Variants in MKKS observed in about 807,000 individuals in gnomAD.
MKKS encodes the protein molecular chaperone MKKS.
A neutral mutation model predicts 33.2 loss-of-function variants in MKKS; 29 were observed. The observed-to-expected ratio is 0.87, with a 90% CI of 0.65 to 1.19. The LOEUF (loss-of-function observed/expected upper bound fraction) is 1.19. MKKS is among the 50% of genes most tolerant of loss of function. The pLI, the probability that MKKS is intolerant of heterozygous loss-of-function variation, is 0.00. For synonymous variants in MKKS, 260 were observed against 244.0 expected (o/e 1.07, Z -0.61); for missense variants, 661 against 662.3 (o/e 1.00, Z 0.02).
rs576236550 is a variant in MKKS at position 10,415,997 on chromosome 20, C to A, written c.-417-2066G>T. 1.5e-4 allele frequency among the ~76,000 whole-genome samples: 23 copies of A among 152,158 alleles called. No homozygotes were observed. In the East Asian group the frequency reaches 3.9e-3, roughly 26 times the overall value. ...AAGAAAGAGAAAAGAGAAAAAAAAA[C>A]CAAACCACTGGGGCTGGTTTATAGA... On this transcript the variant is annotated intron_variant, in intron 2 of 5. Coordinates refer to ENST00000347364, the MANE Select transcript of MKKS (RefSeq NM_170784.3).
chr20:10,413,690 G>A lies in MKKS; in HGVS notation c.-176C>T. 3.0e-6 allele frequency: 2 copies of A among 657,062 alleles called. No individual in the cohort carries two copies. The highest frequency in any genetic ancestry group is 3.9e-5 in the South Asian group (2 of 51,948). 40.7% of individuals were successfully genotyped at this position (657,062 alleles called of 1,614,324 possible). A position where few individuals can be genotyped will look rare whatever the true frequency, so the allele number is the denominator to read the frequency against. On this transcript the variant is annotated 5_prime_UTR_variant, in exon 3 of 6. Coordinates refer to ENST00000347364, the MANE Select transcript of MKKS (RefSeq NM_170784.3). ...AATGTTTATGAAGCTAATCAGCATA[G>A]AATGATTTAATGACAAATTAGTAAT...
intron 3 of MKKS, 35 bp from the exon 4 acceptor site, chr20:10,408,838 A>C: frequency 6.5e-7 from 1 of 1,536,038 alleles, no homozygotes; most frequent in Non-Finnish European, 9.0e-7. Flanking sequence ...CAAGTTGTAT[A>C]AGCAAAAGTG....
intron 3 of MKKS, among the ~76,000 whole-genome samples, chr20:10,412,108 C>T (rs1239065046): frequency 6.6e-6 from 1 of 152,078 alleles, no homozygotes; most frequent in African/African-American, 2.4e-5. Context: ...AGGAGAAGTA[C>T]AGAAGTTTGC....
At position 10,431,483 on chromosome 20, in the gene MKKS, G is replaced by A. The variant is rs548205189; in HGVS notation, c.-649+2625C>T. ...GAGAATACAGGTTTGAGAAGATAAT[G>A]GGACAATCTTAATAAAACATAACTC... On this transcript the variant is annotated intron_variant, in intron 1 of 5. Coordinates refer to ENST00000347364, the MANE Select transcript of MKKS (RefSeq NM_170784.3). 2.0e-4 allele frequency among the ~76,000 whole-genome samples: 30 copies of A among 152,042 alleles called. No homozygotes were observed. The South Asian group carries it at 5.8e-3, about 29-fold the overall frequency.
chr20:10,414,457 G>C (rs886243456), intron 2 of MKKS, among the ~76,000 whole-genome samples: 3 of 151,940 alleles, frequency 2.0e-5, no homozygotes, highest in African/African-American at 7.3e-5. Flanking sequence ...TAGAGATGGG[G>C]TTTCTCCATG....
chr20:10,422,186 C>T (rs2064985043), intron 1 of MKKS, among the ~76,000 whole-genome samples: 1 of 152,052 alleles, frequency 6.6e-6, no homozygotes, highest in Non-Finnish European at 1.5e-5. Context: ...AATCATTTCT[C>T]CCAAAGGTCT....
intron 3 of MKKS, among the ~76,000 whole-genome samples, chr20:10,409,897 G>T (rs2064869022): frequency 6.7e-6 from 1 of 148,790 alleles, no homozygotes; most frequent in Non-Finnish European, 1.5e-5. Context: ...CTTGAACCTG[G>T]GGGGCAGAGG....
intron 1 of MKKS, among the ~76,000 whole-genome samples, chr20:10,430,893 C>T (rs1191596205): frequency 6.6e-6 from 1 of 152,194 alleles, no homozygotes; most frequent in African/African-American, 2.4e-5. Flanking sequence ...CATTTTCAGA[C>T]ACGCTGTTGG....
At chr20:10,408,548 G>GAA in intron 4 of MKKS, 80 bp downstream of exon 4, 1 of 1,450,540 alleles carries the variant, frequency 6.9e-7, no homozygotes, top group Non-Finnish European at 9.6e-7. Flanking sequence ...GGGAAGCTAC[G>GAA]AAAAAAAAAT....
intron 1 of MKKS, among the ~76,000 whole-genome samples, chr20:10,427,577 AT>A (rs768738483): frequency 3.0e-4 from 45 of 152,286 alleles, no homozygotes; most frequent in Non-Finnish European, 5.4e-4. Flanking sequence ...TTCAAAAGTT[AT>A]TTTTTATCCT....
intron 1 of MKKS, among the ~76,000 whole-genome samples, chr20:10,426,562 A>G (rs1264542109): frequency 6.6e-6 from 1 of 152,074 alleles, no homozygotes; most frequent in Non-Finnish European, 1.5e-5. Context: ...ACCATGCCCG[A>G]CTAATTTTTG....
In MKKS at chr20:10,406,948, C is replaced by A. The variant is rs550577978; in HGVS notation, c.1272+668G>T. Among the ~76,000 whole-genome samples, 4 of 152,212 alleles carry A rather than the reference C, an allele frequency of 2.6e-5. No homozygotes were observed. In the South Asian group the frequency reaches 6.2e-4, roughly 24 times the overall value. ...GCTAATATCTGGAAAACACCTATAC[C>A]TTTTTCTATCCATTTTCAAATAAAG... On this transcript the variant is annotated intron_variant, in intron 5 of 5. Transcript: ENST00000347364.
intron 2 of MKKS, among the ~76,000 whole-genome samples, chr20:10,417,727 A>C (rs1186668645): frequency 6.6e-6 from 1 of 152,236 alleles, no homozygotes; most frequent in East Asian, 1.9e-4. Context: ...TATATGAAAC[A>C]ACATGATTAC....
At chr20:10,422,859 C>T (rs2064990822) in intron 1 of MKKS, among the ~76,000 whole-genome samples, 2 of 151,692 alleles carry the variant, frequency 1.3e-5, no homozygotes, top group Non-Finnish European at 1.5e-5. Flanking sequence ...CTACAGGTGC[C>T]CGCCACCACA....
rs545141798 is a variant in MKKS at position 10,410,160 on chromosome 20, T to C, written c.986-1357A>G. Among the ~76,000 whole-genome samples the C allele has an allele frequency of 3.9e-5, 6 of 152,124 alleles. No individual in the cohort carries two copies. The South Asian group carries it at 1.2e-3, about 32-fold the overall frequency. ...AAGTAAAAAACCCAAAATCTTATAG[T>C]ATAATTTCTTTCACATGGTGGGAAC... On this transcript the variant is annotated intron_variant, in intron 3 of 5. Transcript: ENST00000347364.
At chr20:10,419,808 C>T (rs1407165196) in intron 2 of MKKS, among the ~76,000 whole-genome samples, 1 of 152,186 alleles carries the variant, frequency 6.6e-6, no homozygotes, top group Non-Finnish European at 1.5e-5. Flanking sequence ...TTTCATCATG[C>T]TACTCAGAAA....
chr20:10,411,687 ATAAACT>A, intron 3 of MKKS, among the ~76,000 whole-genome samples: 1 of 152,354 alleles, frequency 6.6e-6, no homozygotes, highest in Middle Eastern at 3.4e-3. Flanking sequence ...CTTTTATTAA[ATAAACT>A]TTAACAATGG....
intron 3 of MKKS, 147 bp from the exon 4 acceptor site, chr20:10,408,950 T>G (rs2064861756): frequency 1.6e-6 from 1 of 629,384 alleles, no homozygotes; most frequent in African/African-American, 1.8e-5. Context: ...AGATGAATAT[T>G]CCTAAACTGC....
At chr20:10,411,402 A>G (rs1322576837) in intron 3 of MKKS, among the ~76,000 whole-genome samples, 1 of 152,048 alleles carries the variant, frequency 6.6e-6, no homozygotes, top group African/African-American at 2.4e-5. Context: ...CATGTACCAC[A>G]CCCAGCTAAA....
Sources: allele counts gnomAD v4.1 joint callset (sites outside exome capture counted in the v4.1 genomes callset), GRCh38; gene constraint gnomAD v4.1.1; transcripts MANE v1.5; gene names NCBI Gene and HGNC (gene_info 2026-07-23, HGNC 2026-07-21).